The following PCDHA8 variants were observed in gnomAD, a reference collection of about 807,000 sequenced individuals.
The protein encoded by PCDHA8 is protocadherin alpha-8.
Under a neutral mutation model 61.8 loss-of-function variants are expected in PCDHA8, and 53 were observed. The ratio of observed to expected loss-of-function variants is 0.86; its 90% CI spans 0.69 to 1.08. The LOEUF is 1.08. Ranked by LOEUF, PCDHA8 falls within the 50% of genes least tolerant of loss-of-function variation. The pLI, the probability that PCDHA8 is intolerant of heterozygous loss-of-function variation, is 0.00. For missense variants in PCDHA8, 1,293 were observed against 1,245.0 expected, an observed-to-expected ratio of 1.04 and a Z score of -0.58; for synonymous variants, 618 against 556.6, an observed-to-expected ratio of 1.11 and a Z score of -1.55.
intron 1 of PCDHA8, among the ~76,000 whole-genome samples, chr5:140,923,301 G>C (rs1554201374): frequency 6.6e-6 from 1 of 152,206 alleles, no homozygotes; most frequent in African/African-American, 2.4e-5. Context: ...AGCTGGGCGT[G>C]GGGGCGCTTG....
At chr5:140,857,037 T>C in intron 1 of PCDHA8, 1 of 1,596,258 alleles carries the variant, frequency 6.3e-7, no homozygotes, top group Non-Finnish European at 8.6e-7. Context: ...CCACCTATGG[T>C]TGGTCACTGC....
intron 1 of PCDHA8, chr5:140,857,735 G>T (rs782288464): frequency 6.3e-7 from 1 of 1,597,334 alleles, no homozygotes; most frequent in Non-Finnish European, 8.6e-7. Flanking sequence ...CAACGCTCCC[G>T]CGCTGCTGGC....
intron 1 of PCDHA8, chr5:140,853,906 C>G: frequency 1.0e-6 from 1 of 955,174 alleles, no homozygotes; most frequent in Non-Finnish European, 1.3e-6. Flanking sequence ...GGTGGCCTGA[C>G]ACCTGCAATC....
At chr5:141,007,161 G>C (rs2098308747) in intron 3 of PCDHA8, among the ~76,000 whole-genome samples, 1 of 152,146 alleles carries the variant, frequency 6.6e-6, no homozygotes, top group Non-Finnish European at 1.5e-5. Context: ...TCAAAGAACA[G>C]TCAGAGAGAA....
intron 2 of PCDHA8, among the ~76,000 whole-genome samples, chr5:140,980,472 A>G (rs782408123): frequency 6.6e-6 from 1 of 152,210 alleles, no homozygotes; most frequent in Non-Finnish European, 1.5e-5. Context: ...TCTACTAAAA[A>G]TACAAAAATT....
rs1197657289 is a variant in PCDHA8 at position 140,900,491 on chromosome 5, G to A, written c.2394+56776G>A. Among the ~76,000 whole-genome samples the A allele has an allele frequency of 2.6e-5, 4 of 152,160 alleles. No homozygotes were observed. The East Asian group carries it at 7.7e-4, about 29-fold the overall frequency. On this transcript the variant is annotated intron_variant, in intron 1 of 3. Transcript: ENST00000531613. ...GGAGTTTCTCCATGTTGGTCAGACT[G>A]GTCTCAAATTCCCAGCCTCAGGTGA...
intron 1 of PCDHA8, among the ~76,000 whole-genome samples, chr5:140,885,974 T>C (rs2060795303): frequency 6.6e-6 from 1 of 152,200 alleles, no homozygotes; most frequent in Admixed American, 6.5e-5. Flanking sequence ...GAGATAATTA[T>C]AGATTCGCAT....
At chr5:140,919,910 A>C (rs1350361054) in intron 1 of PCDHA8, among the ~76,000 whole-genome samples, 1 of 152,204 alleles carries the variant, frequency 6.6e-6, no homozygotes. Flanking sequence ...GGATGAAATT[A>C]CCCTAAATTT....
chr5:140,973,486 C>G (rs1404281642), intron 1 of PCDHA8, among the ~76,000 whole-genome samples: 1 of 152,162 alleles, frequency 6.6e-6, no homozygotes, highest in African/African-American at 2.4e-5. Context: ...ATATTGGTCA[C>G]AGGACTCTTC....
intron 1 of PCDHA8, chr5:140,869,690 T>A (rs902099652): frequency 6.2e-7 from 1 of 1,613,456 alleles, no homozygotes. Context: ...TCACTTATTT[T>A]AAAGAAGTCT....
At chr5:140,987,395 G>A (rs1438598842) in intron 3 of PCDHA8, among the ~76,000 whole-genome samples, 1 of 152,166 alleles carries the variant, frequency 6.6e-6, no homozygotes, top group East Asian at 1.9e-4. Flanking sequence ...ATGCAAGGAA[G>A]CCATCTGTTT....
intron 1 of PCDHA8, among the ~76,000 whole-genome samples, chr5:140,973,003 C>T (rs1417207719): frequency 4.0e-5 from 6 of 151,856 alleles, no homozygotes; most frequent in African/African-American, 7.3e-5. Flanking sequence ...CATTTGTGGT[C>T]GTGGTGTTGT....
intron 1 of PCDHA8, among the ~76,000 whole-genome samples, chr5:140,892,835 A>G (rs2063695508): frequency 6.6e-6 from 1 of 152,200 alleles, no homozygotes. Context: ...ACAGTGCTGC[A>G]AAACACCACA....
chr5:140,869,750 A>T (rs1467855920), intron 1 of PCDHA8: 1 of 1,613,280 alleles, frequency 6.2e-7, no homozygotes, highest in Non-Finnish European at 8.5e-7. Context: ...ACAGCTACAG[A>T]CGGGGGAAAA....
intron 1 of PCDHA8, among the ~76,000 whole-genome samples, chr5:140,901,632 G>A (rs768343428): frequency 6.6e-5 from 10 of 152,172 alleles, no homozygotes; most frequent in Non-Finnish European, 1.3e-4. Flanking sequence ...GTCAGGTAAT[G>A]TGATTCTTCC....
In PCDHA8 at chr5:140,860,044, T is replaced by C. The variant is rs116974556; in HGVS notation, c.2394+16329T>C. On this transcript the variant is annotated intron_variant, in intron 1 of 3. Coordinates refer to ENST00000531613, the MANE Select transcript of PCDHA8 (RefSeq NM_018911.3). The stretch of plus-strand genomic sequence containing the variant: ...TGGCTCACACCTGTAATCCCAGCAT[T>C]TTGAGAGGCCAAGGTGGGAGGATGG... 10 of 151,928 alleles carry C rather than the reference T, an allele frequency of 6.6e-5. No homozygotes were observed. In the East Asian group the frequency reaches 1.9e-3, roughly 29 times the overall value. 9.4% of individuals were successfully genotyped at this position (151,928 alleles called of 1,614,324 possible).
chr5:140,874,953 G>C (rs2055192015), intron 1 of PCDHA8, among the ~76,000 whole-genome samples: 1 of 152,212 alleles, frequency 6.6e-6, no homozygotes, highest in Admixed American at 6.5e-5. Flanking sequence ...GGAATTGTAA[G>C]CTATATAAGG....
chr5:140,916,559 G>C (rs1170876334), intron 1 of PCDHA8, among the ~76,000 whole-genome samples: 2 of 152,224 alleles, frequency 1.3e-5, no homozygotes, highest in African/African-American at 4.8e-5. Flanking sequence ...TATTTGTCCA[G>C]GGTGTGTCTA....
intron 1 of PCDHA8, among the ~76,000 whole-genome samples, chr5:140,963,203 AAAAC>A (rs1457721166): frequency 6.6e-6 from 1 of 152,100 alleles, no homozygotes; most frequent in African/African-American, 2.4e-5. Context: ...AATGAAAAAA[AAAAC>A]CTCGTGTTTA....
Sources: gnomAD v4.1 joint callset for allele counts (sites outside exome capture counted in the v4.1 genomes callset) on GRCh38, gnomAD v4.1.1 for gene constraint, MANE v1.5 for transcripts, NCBI Gene and HGNC (gene_info 2026-07-23, HGNC 2026-07-21) for gene names.